The following FHIT variants were observed in gnomAD, a reference collection of about 807,000 sequenced individuals.
FHIT encodes bis(5'-adenosyl)-triphosphatase.
In FHIT, 19 loss-of-function variants were observed where a neutral mutation model predicts 17.9. That is an observed-to-expected ratio of 1.06 (90% CI 0.74 to 1.56). FHIT has a LOEUF of 1.56. Ranked by LOEUF, FHIT falls within the 40% of genes most tolerant of loss-of-function variation. The probability of loss-of-function intolerance (pLI) is 0.00; values close to 1 mark genes in which losing one functional copy is unlikely to be tolerated. For missense variants in FHIT, 248 were observed against 189.2 expected (o/e 1.31, Z -1.82); for synonymous variants, 81 against 69.7 (o/e 1.16, Z -0.81).
At chr3:60,328,471 C>T (rs868594007) in intron 5 of FHIT, among the ~76,000 whole-genome samples, 7 of 152,008 alleles carry the variant, frequency 4.6e-5, no homozygotes, top group South Asian at 2.1e-4. Flanking sequence ...AGCGTGTGCT[C>T]GGGAACTGCC....
chr3:59,758,596 TCAA>T (rs1701339709), intron 8 of FHIT, among the ~76,000 whole-genome samples: 1 of 152,132 alleles, frequency 6.6e-6, no homozygotes, highest in African/African-American at 2.4e-5. Flanking sequence ...TGATAAGGCA[TCAA>T]CAACACCTCT....
At chr3:61,216,707 C>T (rs1050702770) in intron 1 of FHIT, among the ~76,000 whole-genome samples, 4 of 152,096 alleles carry the variant, frequency 2.6e-5, no homozygotes, top group Non-Finnish European at 4.4e-5. Context: ...ATGTTTATTG[C>T]AGCACTATTC....
chr3:61,213,792 T>G (rs1452180629), intron 1 of FHIT, among the ~76,000 whole-genome samples: 1 of 152,046 alleles, frequency 6.6e-6, no homozygotes, highest in Non-Finnish European at 1.5e-5. Context: ...AGAACAGAAA[T>G]TATAACAAAT....
intron 5 of FHIT, among the ~76,000 whole-genome samples, chr3:60,063,908 T>C (rs2074010667): frequency 1.3e-5 from 2 of 152,188 alleles, no homozygotes; most frequent in African/African-American, 4.8e-5. Context: ...TTAAGAATAA[T>C]GAGGTAGGTC....
chr3:60,050,204 G>C (rs1701815506), intron 5 of FHIT, among the ~76,000 whole-genome samples: 1 of 152,172 alleles, frequency 6.6e-6, no homozygotes, highest in South Asian at 2.1e-4. Flanking sequence ...TAATTTTTCA[G>C]CTATTATACG....
intron 4 of FHIT, among the ~76,000 whole-genome samples, chr3:60,582,675 T>C (rs1005951149): frequency 3.3e-5 from 5 of 152,094 alleles, no homozygotes; most frequent in African/African-American, 1.2e-4. Flanking sequence ...TAAAGGTTTA[T>C]TTCTGTCTGC....
intron 8 of FHIT, among the ~76,000 whole-genome samples, chr3:59,838,170 C>T (rs1334943469): frequency 1.3e-5 from 2 of 152,110 alleles, no homozygotes; most frequent in Non-Finnish European, 2.9e-5. Flanking sequence ...TTCCTCGCTC[C>T]AGGCTGAAAT....
intron 4 of FHIT, among the ~76,000 whole-genome samples, chr3:60,647,684 CTCT>C (rs1553687119): frequency 6.6e-6 from 1 of 152,206 alleles, no homozygotes; most frequent in African/African-American, 2.4e-5. Flanking sequence ...TGCTGGATAA[CTCT>C]TCAAGACTCC....
intron 4 of FHIT, among the ~76,000 whole-genome samples, chr3:60,585,977 C>A (rs782405527): frequency 6.6e-6 from 1 of 151,852 alleles, no homozygotes; most frequent in Non-Finnish European, 1.5e-5. Context: ...ACAGTATTAT[C>A]CATACATTTT....
chr3:60,687,738 T>G (rs1481346310), intron 4 of FHIT, among the ~76,000 whole-genome samples: 1 of 152,120 alleles, frequency 6.6e-6, no homozygotes, highest in Non-Finnish European at 1.5e-5. Context: ...CCATGAAAGA[T>G]CAATAAAAGT....
At chr3:61,211,642 G>A (rs560114600) in intron 1 of FHIT, among the ~76,000 whole-genome samples, 4 of 152,340 alleles carry the variant, frequency 2.6e-5, no homozygotes, top group Non-Finnish European at 5.9e-5. Flanking sequence ...TGACAGCTTT[G>A]AAGAGAGCAG....
At chr3:60,077,930 T>C (rs1311617096) in intron 5 of FHIT, among the ~76,000 whole-genome samples, 3 of 152,128 alleles carry the variant, frequency 2.0e-5, no homozygotes, top group African/African-American at 7.2e-5. Context: ...AACCATCTTA[T>C]TGTATATATG....
At chr3:60,027,108 G>GACACACACACAC (rs754046097) in intron 5 of FHIT, among the ~76,000 whole-genome samples, 35 of 88,096 alleles carry the variant, frequency 4.0e-4, no homozygotes, top group Non-Finnish European at 8.1e-4. Context: ...TTCACACACA[G>GACACACACACAC]ACACACACAC....
At chr3:60,499,370 T>G (rs2034428640) in intron 5 of FHIT, among the ~76,000 whole-genome samples, 1 of 152,150 alleles carries the variant, frequency 6.6e-6, no homozygotes, top group Non-Finnish European at 1.5e-5. Flanking sequence ...ATCTTCCCAC[T>G]TCCTCACCAT....
intron 8 of FHIT, among the ~76,000 whole-genome samples, chr3:59,754,066 T>A (rs978124958): frequency 2.0e-5 from 3 of 152,072 alleles, no homozygotes; most frequent in Non-Finnish European, 4.4e-5. Context: ...AAACTCTAAA[T>A]CTAACCTAGA....
At chr3:61,121,290 C>T (rs1303215582) in intron 2 of FHIT, among the ~76,000 whole-genome samples, 4 of 152,044 alleles carry the variant, frequency 2.6e-5, no homozygotes, top group East Asian at 3.9e-4. Flanking sequence ...GACACATAAT[C>T]GTCAGATTCA....
At chr3:60,569,908 A>G (rs2856013) in intron 4 of FHIT, among the ~76,000 whole-genome samples, 144,403 of 151,392 alleles carry the variant, frequency 0.95, 68,928 homozygotes, top group East Asian at 1. Context: ...CACATATCAT[A>G]CAATTCACCC....
chr3:60,302,448 A>G (rs1242408310), intron 5 of FHIT, among the ~76,000 whole-genome samples: 1 of 152,054 alleles, frequency 6.6e-6, no homozygotes, highest in African/African-American at 2.4e-5. Flanking sequence ...TAAATACTTG[A>G]TTCTATGTTT....
intron 4 of FHIT, among the ~76,000 whole-genome samples, chr3:60,698,216 A>G (rs1340468478): frequency 6.6e-6 from 1 of 151,274 alleles, no homozygotes; most frequent in East Asian, 1.9e-4. Context: ...AACTCTAAAT[A>G]AAGAAGTGGA....
Sources: allele counts gnomAD v4.1 joint callset (sites outside exome capture counted in the v4.1 genomes callset), GRCh38; gene constraint gnomAD v4.1.1; transcripts MANE v1.5; gene names NCBI Gene and HGNC (gene_info 2026-07-23, HGNC 2026-07-21).